Variants in CACNA2D3 observed in about 807,000 individuals in gnomAD.
The protein encoded by CACNA2D3 is calcium voltage-gated channel auxiliary subunit alpha2delta 3.
CACNA2D3 carries 60 observed loss-of-function variants against 160.6 expected under a neutral mutation model. The observed-to-expected ratio is 0.37, with a 90% CI of 0.30 to 0.46. The LOEUF is 0.46. CACNA2D3 is among the 20% of genes least tolerant of loss of function. The probability of loss-of-function intolerance (pLI) is 1.00; values close to 1 mark genes in which losing one functional copy is unlikely to be tolerated. For synonymous variants in CACNA2D3, 558 were observed against 492.9 expected, an observed-to-expected ratio of 1.13 and a Z score of -1.75; for missense variants, 1,205 against 1,365.0, an observed-to-expected ratio of 0.88 and a Z score of 1.85.
intron 11 of CACNA2D3, among the ~76,000 whole-genome samples, chr3:54,728,010 C>CT (rs1179279292): frequency 6.6e-6 from 1 of 152,012 alleles, no homozygotes; most frequent in Non-Finnish European, 1.5e-5. Flanking sequence ...CTTTAGCTGA[C>CT]TTTAAGATTT....
At chr3:54,539,775 A>C (rs577345173) in intron 5 of CACNA2D3, among the ~76,000 whole-genome samples, 1 of 152,318 alleles carries the variant, frequency 6.6e-6, no homozygotes, top group African/African-American at 2.4e-5. Flanking sequence ...TGATTAAAGA[A>C]ATTTCTGAAG....
chr3:54,738,841 C>G (rs1012451731), intron 11 of CACNA2D3, among the ~76,000 whole-genome samples: 30 of 152,164 alleles, frequency 2.0e-4, no homozygotes, highest in African/African-American at 6.5e-4. Context: ...CTTAACTTTT[C>G]TTGCTTTTCT....
At chr3:54,294,403 C>T (rs1234848590) in intron 2 of CACNA2D3, among the ~76,000 whole-genome samples, 1 of 152,188 alleles carries the variant, frequency 6.6e-6, no homozygotes, top group East Asian at 1.9e-4. Context: ...GTGCTGTCCT[C>T]ATGAGCTATC....
At chr3:54,999,732 G>A (rs1393938353) in intron 31 of CACNA2D3, among the ~76,000 whole-genome samples, 1 of 152,194 alleles carries the variant, frequency 6.6e-6, no homozygotes, top group East Asian at 1.9e-4. Flanking sequence ...GCCTAAATTA[G>A]CTGAGCTTAT....
chr3:54,816,657 A>G (rs911172598), intron 13 of CACNA2D3, among the ~76,000 whole-genome samples, 196 bp from the exon 14 acceptor site: 1 of 152,200 alleles, frequency 6.6e-6, no homozygotes, highest in African/African-American at 2.4e-5. Flanking sequence ...TGTTGATACC[A>G]CAAATTCAGA....
chr3:54,426,548 A>G (rs796418632), intron 4 of CACNA2D3, among the ~76,000 whole-genome samples: 24 of 152,188 alleles, frequency 1.6e-4, no homozygotes, highest in East Asian at 5.8e-4. Context: ...CTACTGAGCT[A>G]TTCTTCCCTG....
chr3:54,986,952 C>T (rs569297347), intron 30 of CACNA2D3, among the ~76,000 whole-genome samples: 3 of 152,170 alleles, frequency 2.0e-5, no homozygotes, highest in Admixed American at 6.5e-5. Flanking sequence ...TTCTTCATTC[C>T]ACCAAAGTTT....
chr3:54,164,322 T>C (rs764143900), intron 2 of CACNA2D3, among the ~76,000 whole-genome samples: 5 of 152,154 alleles, frequency 3.3e-5, no homozygotes, highest in Non-Finnish European at 7.3e-5. Flanking sequence ...ATGAAATCTG[T>C]GAATCTCACC....
Position 54,536,945 on chromosome 3 carries a change from C to T in CACNA2D3, c.545-25855C>T, listed in dbSNP as rs527909928. Among the ~76,000 whole-genome samples the T allele has an allele frequency of 1.2e-4, 18 of 152,224 alleles. No individual in the cohort carries two copies. In the South Asian group the frequency reaches 2.7e-3, roughly 23 times the overall value. On this transcript the variant is annotated intron_variant, in intron 5 of 37. Coordinates refer to ENST00000474759, the MANE Select transcript of CACNA2D3 (RefSeq NM_018398.3). ...GGCTGTCTCCACCTCACCTCGGTGG[C>T]GGAGATGCAGTGCCAGGCGCCAGGC...
At chr3:54,999,064 A>C (rs982651979) in intron 31 of CACNA2D3, among the ~76,000 whole-genome samples, 1 of 152,150 alleles carries the variant, frequency 6.6e-6, no homozygotes, top group Non-Finnish European at 1.5e-5. Context: ...TTGTTTAACT[A>C]ATTTCCAGTT....
chr3:54,857,087 A>T (rs1699187883), intron 17 of CACNA2D3, among the ~76,000 whole-genome samples: 2 of 152,136 alleles, frequency 1.3e-5, no homozygotes, highest in Non-Finnish European at 2.9e-5. Context: ...GGCCAGGATG[A>T]TGTATTAAGC....
chr3:54,960,988 C>T (rs536479149), intron 27 of CACNA2D3, among the ~76,000 whole-genome samples: 2 of 152,294 alleles, frequency 1.3e-5, no homozygotes, highest in African/African-American at 4.8e-5. Flanking sequence ...TTTCCAAACC[C>T]TGGGTTAATC....
At chr3:54,501,122 A>G (rs1575491267) in intron 4 of CACNA2D3, among the ~76,000 whole-genome samples, 1 of 152,274 alleles carries the variant, frequency 6.6e-6, no homozygotes, top group Non-Finnish European at 1.5e-5. Context: ...ATCTAATCCC[A>G]TTCATGAGGG....
At chr3:54,774,097 A>G (rs1702373280) in intron 13 of CACNA2D3, among the ~76,000 whole-genome samples, 2 of 152,212 alleles carry the variant, frequency 1.3e-5, no homozygotes, top group South Asian at 4.1e-4. Flanking sequence ...CACAGCTTCC[A>G]GTGCAAAGTG....
At chr3:54,522,010 T>C (rs1701653342) in intron 5 of CACNA2D3, among the ~76,000 whole-genome samples, 1 of 152,226 alleles carries the variant, frequency 6.6e-6, no homozygotes, top group Admixed American at 6.5e-5. Flanking sequence ...CAAGAGTGTT[T>C]TGGCTATTCC....
intron 25 of CACNA2D3, 35 bp downstream of exon 25, chr3:54,891,485 A>T (rs746838925): frequency 4.9e-5 from 71 of 1,463,802 alleles, no homozygotes; most frequent in Non-Finnish European, 6.1e-5. Context: ...GGGCCCAGGG[A>T]GCTTCTGAAA....
At chr3:54,257,713 T>C (rs1421078130) in intron 2 of CACNA2D3, among the ~76,000 whole-genome samples, 1 of 152,112 alleles carries the variant, frequency 6.6e-6, no homozygotes, top group Non-Finnish European at 1.5e-5. Context: ...TCAATGAGTA[T>C]AAAAAAATAA....
At chr3:54,799,109 T>G (rs1702929532) in intron 13 of CACNA2D3, among the ~76,000 whole-genome samples, 1 of 152,218 alleles carries the variant, frequency 6.6e-6, no homozygotes, top group Non-Finnish European at 1.5e-5. Flanking sequence ...CTAATCCTAT[T>G]TTTCCCATAC....
intron 5 of CACNA2D3, among the ~76,000 whole-genome samples, chr3:54,557,132 C>T (rs910720250): frequency 5.9e-5 from 9 of 152,162 alleles, no homozygotes; most frequent in Admixed American, 4.6e-4. Context: ...GAAATCAATA[C>T]ACTGTGATTA....
Sources: allele counts gnomAD v4.1 joint callset (sites outside exome capture counted in the v4.1 genomes callset), GRCh38; gene constraint gnomAD v4.1.1; transcripts MANE v1.5; gene names NCBI Gene and HGNC (gene_info 2026-07-23, HGNC 2026-07-21).